Variants in INO80D observed in about 807,000 individuals in gnomAD.
INO80D encodes the protein INO80 complex subunit D.
INO80D carries 21 observed loss-of-function variants against 87.6 expected under a neutral mutation model. That is an observed-to-expected ratio of 0.24 (90% CI 0.17 to 0.35). The LOEUF is 0.35. Among genes scored for constraint, INO80D ranks in the 10% least tolerant of loss-of-function variants. INO80D has a pLI of 1.00. For synonymous variants in INO80D, 440 were observed against 491.0 expected (o/e 0.90, Z 1.37); for missense variants, 982 against 1,280.7 (o/e 0.77, Z 3.56).
chr2:206,053,516 A>C (rs1689431382), intron 4 of INO80D, among the ~76,000 whole-genome samples: 1 of 152,088 alleles, frequency 6.6e-6, no homozygotes, highest in South Asian at 2.1e-4. Context: ...TTAATCACGA[A>C]AAGTCACAGA....
intron 3 of INO80D, among the ~76,000 whole-genome samples, chr2:206,058,381 T>G (rs184837943): frequency 1.5e-3 from 216 of 139,868 alleles, no homozygotes; most frequent in Non-Finnish European, 1.8e-3. Flanking sequence ...ATGGTGCCAC[T>G]GCACTCCAGC....
chr2:206,060,233 T>G (rs980151422), intron 3 of INO80D, among the ~76,000 whole-genome samples: 7 of 151,292 alleles, frequency 4.6e-5, no homozygotes, highest in Admixed American at 1.3e-4. Context: ...AAAGACAAAT[T>G]TATAACTTAG....
At chr2:206,058,889 G>A (rs565748971) in intron 3 of INO80D, among the ~76,000 whole-genome samples, 11 of 152,098 alleles carry the variant, frequency 7.2e-5, no homozygotes, top group South Asian at 2.1e-4. Flanking sequence ...GTTCCAAGAG[G>A]AAACTGTACC....
chr2:206,032,776 A>C (rs1421919179), intron 5 of INO80D, among the ~76,000 whole-genome samples: 1 of 152,206 alleles, frequency 6.6e-6, no homozygotes, highest in Non-Finnish European at 1.5e-5. Flanking sequence ...ATGCTGAGAG[A>C]ATTCACCATG....
rs1439700137 is a variant in INO80D at position 206,003,424 on chromosome 2, G to A, written c.*944C>T. 6.6e-6 allele frequency: 1 copy of A among 152,134 alleles called. No individual in the cohort carries two copies. The highest frequency in any genetic ancestry group is 6.5e-5 in the Admixed American group (1 of 15,276). 9.4% of individuals were successfully genotyped at this position (152,134 alleles called of 1,614,324 possible). On this transcript the variant is annotated 3_prime_UTR_variant, in exon 11 of 11. Coordinates refer to ENST00000403263, the MANE Select transcript of INO80D (RefSeq NM_017759.5). ...ATGTATTCCATGAGAGAGGGATTTAGAAACAAACAAATGTCTGAAAAGACA... is the reference window on the plus strand; with the variant it reads ...ATGTATTCCATGAGAGAGGGATTTAAAAACAAACAAATGTCTGAAAAGACA...
At position 205,996,333 on chromosome 2, in the gene INO80D, T is replaced by TG. The variant is rs1297833624; in HGVS notation, c.*8034_*8035insC. ...AAACCACAATGATGTGTGATTTTTT[T>TG]TTTTTTTTTAAGTGATGAAAGACTG... On this transcript the variant is annotated 3_prime_UTR_variant, in exon 11 of 11. Coordinates refer to ENST00000403263, the MANE Select transcript of INO80D (RefSeq NM_017759.5). 1 of 151,602 alleles carries TG rather than the reference T, an allele frequency of 6.6e-6. No homozygotes were observed. Among genetic ancestry groups the TG allele is most frequent in the Non-Finnish European group, 1.5e-5 (1 of 67,776 alleles). 9.4% of individuals were successfully genotyped at this position (151,602 alleles called of 1,614,324 possible).
intron 7 of INO80D, 145 bp downstream of exon 7, chr2:206,019,591 T>A: frequency 1.6e-6 from 1 of 612,268 alleles, no homozygotes; most frequent in South Asian, 3.1e-5. Flanking sequence ...TCAGAGGACA[T>A]CATGAAAATT....
Position 206,000,846 on chromosome 2 carries a change from C to G in INO80D, c.*3522G>C, listed in dbSNP as rs1687897199. 6.6e-6 allele frequency: 1 copy of G among 152,204 alleles called. No individual in the cohort carries two copies. The highest frequency in any genetic ancestry group is 2.1e-4 in the South Asian group (1 of 4,824). 9.4% of individuals were successfully genotyped at this position (152,204 alleles called of 1,614,324 possible). On this transcript the variant is annotated 3_prime_UTR_variant, in exon 11 of 11. Transcript: ENST00000403263. Reference sequence around the variant, plus strand: ...AATAATAACCTCACTTTCCAACTTGCTCCCCATGCCTACTATTTGTTTCTG... The same window carrying G: ...AATAATAACCTCACTTTCCAACTTGGTCCCCATGCCTACTATTTGTTTCTG...
chr2:206,027,145 C>G (rs181801602), intron 6 of INO80D, among the ~76,000 whole-genome samples: 1 of 102,382 alleles, frequency 9.8e-6, no homozygotes, highest in Admixed American at 1.1e-4. Flanking sequence ...TACACACGCA[C>G]GCGCGCACGC....
chr2:206,038,423 C>T (rs1044126922), intron 5 of INO80D, among the ~76,000 whole-genome samples: 1 of 152,228 alleles, frequency 6.6e-6, no homozygotes, highest in Non-Finnish European at 1.5e-5. Flanking sequence ...AACTTGTTGC[C>T]ATTCTAAAGC....
At chr2:206,030,959 T>C (rs1206403512) in intron 5 of INO80D, among the ~76,000 whole-genome samples, 1 of 152,042 alleles carries the variant, frequency 6.6e-6, no homozygotes, top group East Asian at 1.9e-4. Flanking sequence ...CTGGAGAGCA[T>C]GAGGCAATCT....
At position 206,056,527 on chromosome 2, in the gene INO80D, A is replaced by T; in HGVS notation, c.635T>A (p.Leu212Gln). Residue 212 changes from leucine to glutamine, a missense_variant, in exon 4 of 11, where the codon CTG (leucine) becomes CAG (glutamine). Coordinates refer to ENST00000403263, the MANE Select transcript of INO80D (RefSeq NM_017759.5). ...QQQPPQQHSH[L>Q]SPLSTSLKPP... ...TTTTAAAGAAGTAGATAAAGGTGAC[A>T]GGTGGGAGTGCTGCTGCGGAGGCTG... The T allele has an allele frequency of 6.2e-7, 1 of 1,613,342 alleles. No homozygotes were observed. Among genetic ancestry groups the T allele is most frequent in the Non-Finnish European group, 8.5e-7 (1 of 1,179,600 alleles).
Position 206,085,308 on chromosome 2 carries a change from T to G in INO80D, c.-124+593A>C, listed in dbSNP as rs370617703. Among the ~76,000 whole-genome samples, 142 of 149,696 alleles carry G rather than the reference T, an allele frequency of 9.5e-4. 3 individuals carry two copies. In the East Asian group the frequency reaches 0.016, roughly 16 times the overall value. On this transcript the variant is annotated intron_variant, in intron 1 of 10. Transcript: ENST00000403263. This position sits in a 1 kb window ranked among gnomAD's most constrained non-coding sequence, Gnocchi z 4.5. ...GCGCGGAGGAGGGGGATAAATAAAT[T>G]CAACTCTTACCGGAATCTGGGGGCC...
intron 5 of INO80D, chr2:206,040,704 C>A: frequency 3.8e-6 from 1 of 260,386 alleles, no homozygotes. Context: ...TGGATATCCT[C>A]TTACACAAAA....
chr2:206,084,098 G>A (rs1690361180), intron 1 of INO80D, among the ~76,000 whole-genome samples: 1 of 150,826 alleles, frequency 6.6e-6, no homozygotes. Flanking sequence ...AACGTTCAGA[G>A]CTCAGGGCAC....
At chr2:206,014,826 G>A (rs768799078) in intron 8 of INO80D, among the ~76,000 whole-genome samples, 12 of 152,286 alleles carry the variant, frequency 7.9e-5, no homozygotes, top group Admixed American at 7.9e-4. Flanking sequence ...ACAGAAAAAT[G>A]TGGGAAAGTT....
intron 5 of INO80D, among the ~76,000 whole-genome samples, chr2:206,032,512 T>C (rs979939514): frequency 5.3e-5 from 8 of 152,260 alleles, no homozygotes; most frequent in African/African-American, 1.2e-4. Context: ...CCTAGACACA[T>C]TGTCATTAGG....
At chr2:206,076,667 C>T (rs1167273439) in intron 1 of INO80D, among the ~76,000 whole-genome samples, 1 of 152,182 alleles carries the variant, frequency 6.6e-6, no homozygotes, top group Non-Finnish European at 1.5e-5. Flanking sequence ...ACTCAGACAG[C>T]ACTGTACAAG....
intron 5 of INO80D, among the ~76,000 whole-genome samples, chr2:206,036,987 T>C (rs887840239): frequency 1.1e-4 from 16 of 152,152 alleles, no homozygotes; most frequent in Non-Finnish European, 2.1e-4. Flanking sequence ...CATTAATATT[T>C]CAAACCTGGT....
Sources: gnomAD v4.1 joint callset for allele counts (sites outside exome capture counted in the v4.1 genomes callset) on GRCh38, gnomAD v4.1.1 for gene constraint, Gnocchi (gnomAD v3.1) non-coding constraint, MANE v1.5 for transcripts, NCBI Gene and HGNC (gene_info 2026-07-23, HGNC 2026-07-21) for gene names.